Variants in SCGN observed in about 807,000 individuals in gnomAD.
SCGN encodes the protein secretagogin, EF-hand calcium binding protein, also known as secretagogin.
A neutral mutation model predicts 39.7 loss-of-function variants in SCGN; 30 were observed. That is an observed-to-expected ratio of 0.76 (90% CI 0.57 to 1.03). The LOEUF (loss-of-function observed/expected upper bound fraction) is 1.03. Among genes scored for constraint, SCGN ranks in the 50% least tolerant of loss-of-function variants. The pLI is 0.00. For synonymous variants in SCGN, 106 were observed against 114.1 expected, an observed-to-expected ratio of 0.93 and a Z score of 0.45; for missense variants, 353 against 349.4, an observed-to-expected ratio of 1.01 and a Z score of -0.08.
At position 25,661,625 on chromosome 6, in the gene SCGN, G is replaced by T. The variant is rs781506812; in HGVS notation, c.227G>T (p.Gly76Val). ...FMTTQDASKD[G>V]RIRMKELAGM... ...ACTACCCAAGATGCCTCTAAAGATGGTCGCATTCGGATGAAAGAGGTAACT... is the reference window on the plus strand; with the variant it reads ...ACTACCCAAGATGCCTCTAAAGATGTTCGCATTCGGATGAAAGAGGTAACT... Residue 76 changes from glycine to valine, a missense_variant, in exon 3 of 11, where the codon GGT (glycine) becomes GTT (valine). Gly to Val is a moderately radical substitution (Grantham distance 109). Transcript: ENST00000377961. 67 of 1,612,724 alleles carry T rather than the reference G, an allele frequency of 4.2e-5. No homozygotes were observed. Among genetic ancestry groups the T allele is most frequent in the Non-Finnish European group, 5.4e-5 (64 of 1,178,948 alleles).
At chr6:25,675,055 A>C (rs1026423093) in intron 6 of SCGN, among the ~76,000 whole-genome samples, 5 of 152,202 alleles carry the variant, frequency 3.3e-5, no homozygotes, top group African/African-American at 1.2e-4. Flanking sequence ...AAGAGAAATA[A>C]GTTTTCCTGT....
At chr6:25,663,730 T>C in intron 3 of SCGN, among the ~76,000 whole-genome samples, 1 of 152,202 alleles carries the variant, frequency 6.6e-6, no homozygotes, top group Non-Finnish European at 1.5e-5. Context: ...TTTATACTCA[T>C]CCTGAAAAAC....
In SCGN at chr6:25,681,816, T is replaced by G. The variant is rs138531232; in HGVS notation, c.472-135T>G. 468 of 687,566 alleles carry G rather than the reference T, an allele frequency of 6.8e-4. 4 individuals are homozygous for G. The East Asian group carries it at 0.013, about 18-fold the overall frequency. 42.6% of individuals were successfully genotyped at this position (687,566 alleles called of 1,614,324 possible). A position where few individuals can be genotyped will look rare whatever the true frequency, so the allele number is the denominator to read the frequency against. ...AATTCCTTCTGTGACAAATACTAAT[T>G]TTCCCCCAGGCAAGTGGGCTCCTCA... On this transcript the variant is annotated intron_variant, in intron 6 of 10. Coordinates refer to ENST00000377961, the MANE Select transcript of SCGN (RefSeq NM_006998.4).
chr6:25,680,785 T>A (rs1759628179), intron 6 of SCGN, among the ~76,000 whole-genome samples: 4 of 152,332 alleles, frequency 2.6e-5, no homozygotes, highest in Admixed American at 1.3e-4. Flanking sequence ...TGTATAAAAA[T>A]GTAACCTGTG....
intron 10 of SCGN, among the ~76,000 whole-genome samples, chr6:25,694,618 T>G (rs1326953438): frequency 6.6e-6 from 1 of 152,244 alleles, no homozygotes; most frequent in Non-Finnish European, 1.5e-5. Context: ...AGGAATTTAT[T>G]GGGATTCTCC....
intron 2 of SCGN, among the ~76,000 whole-genome samples, chr6:25,653,858 T>G (rs1007771127): frequency 6.6e-6 from 1 of 152,338 alleles, no homozygotes; most frequent in South Asian, 2.1e-4. Flanking sequence ...ACTCCTCTGA[T>G]AGCAAACCAC....
Position 25,701,315 on chromosome 6 carries a change from G to A in SCGN, c.811G>A (p.Gly271Arg). 1.2e-6 allele frequency: 2 copies of A among 1,612,420 alleles called. No homozygotes were observed. Among genetic ancestry groups the A allele is most frequent in the Non-Finnish European group, 1.7e-6 (2 of 1,179,350 alleles). Reference protein sequence around the residue: ...IQKSELALCLGLKINP With the variant: ...IQKSELALCLRLKINP ...GAAGTCTGAGCTGGCTTTGTGTCTT[G>A]GGCTGAAAATCAACCCATAATCCCA... Residue 271 changes from glycine (G) to arginine (R), a missense_variant, in exon 11 of 11, where the codon GGG (glycine) becomes AGG (arginine). Physicochemically the swap from Gly to Arg is moderately radical, Grantham distance 125. Coordinates refer to ENST00000377961, the MANE Select transcript of SCGN (RefSeq NM_006998.4).
At chr6:25,663,371 A>G (rs1415484728) in intron 3 of SCGN, among the ~76,000 whole-genome samples, 1 of 152,156 alleles carries the variant, frequency 6.6e-6, no homozygotes, top group African/African-American at 2.4e-5. Flanking sequence ...AAAAGCATGA[A>G]GTCAATATGG....
At chr6:25,676,984 C>A (rs1759571580) in intron 6 of SCGN, among the ~76,000 whole-genome samples, 1 of 152,090 alleles carries the variant, frequency 6.6e-6, no homozygotes, top group South Asian at 2.1e-4. Flanking sequence ...CAAACTCTTG[C>A]GTCATCTGGT....
chr6:25,669,530 C>G lies in SCGN; in HGVS notation c.356C>G (p.Ala119Gly). 6.2e-7 allele frequency: 1 copy of G among 1,613,638 alleles called. No homozygotes were observed. Among genetic ancestry groups the G allele is most frequent in the Non-Finnish European group, 8.5e-7 (1 of 1,179,632 alleles). ...EFMQIWRKYD[A>G]DSSGFISAAE... Reference sequence around the variant, plus strand: ...TTTCAGATTTGGCGCAAATATGACGCTGACAGCAGTGGCTTTATATCAGCT... The same window carrying G: ...TTTCAGATTTGGCGCAAATATGACGGTGACAGCAGTGGCTTTATATCAGCT... The change falls in exon 5 of 11, where the codon GCT (alanine) becomes GGT (glycine). Residue 119 changes from alanine (A) to glycine (G), a missense_variant. Transcript: ENST00000377961.
At chr6:25,664,804 A>T in intron 3 of SCGN, 139 bp from the exon 4 acceptor site, 1 of 594,112 alleles carries the variant, frequency 1.7e-6, no homozygotes, top group Non-Finnish European at 3.0e-6. Flanking sequence ...AGAGCACAGA[A>T]CTGCAAACCG....
intron 10 of SCGN, among the ~76,000 whole-genome samples, chr6:25,697,807 C>G (rs1759857350): frequency 6.6e-6 from 1 of 152,170 alleles, no homozygotes; most frequent in Non-Finnish European, 1.5e-5. Context: ...GAAAAAGTTA[C>G]ATTTTTACAT....
chr6:25,665,176 A>G (rs1760405292), intron 4 of SCGN, 144 bp downstream of exon 4: 1 of 610,462 alleles, frequency 1.6e-6, no homozygotes, highest in Non-Finnish European at 2.9e-6. Flanking sequence ...AAAATGCCTT[A>G]GTGATGAGGA....
At chr6:25,668,755 G>A (rs1759435214) in intron 4 of SCGN, among the ~76,000 whole-genome samples, 2 of 152,138 alleles carry the variant, frequency 1.3e-5, no homozygotes, top group African/African-American at 4.8e-5. Context: ...CTGAGTTTAT[G>A]CTTTCCCATC....
chr6:25,693,323 G>A (rs1345098911), intron 10 of SCGN, among the ~76,000 whole-genome samples: 1 of 151,540 alleles, frequency 6.6e-6, no homozygotes, highest in East Asian at 1.9e-4. Flanking sequence ...GTGGTGGTGG[G>A]CGCCTGTAGT....
intron 6 of SCGN, among the ~76,000 whole-genome samples, chr6:25,675,439 A>G (rs1426032571): frequency 6.6e-6 from 1 of 152,200 alleles, no homozygotes; most frequent in African/African-American, 2.4e-5. Context: ...CTGCCTCTGT[A>G]TCCCTGCTTT....
intron 10 of SCGN, among the ~76,000 whole-genome samples, chr6:25,695,138 C>T (rs146056993): frequency 3.9e-5 from 6 of 152,288 alleles, no homozygotes; most frequent in African/African-American, 9.6e-5. Context: ...CCCCATTCCC[C>T]AAGCTCTGAA....
chr6:25,663,189 T>C (rs1200497872), intron 3 of SCGN, among the ~76,000 whole-genome samples: 1 of 152,212 alleles, frequency 6.6e-6, no homozygotes, highest in Non-Finnish European at 1.5e-5. Context: ...CTACATTCCC[T>C]TGCTGTACCA....
At chr6:25,659,030 C>T (rs749889646) in intron 2 of SCGN, among the ~76,000 whole-genome samples, 1 of 152,124 alleles carries the variant, frequency 6.6e-6, no homozygotes, top group Non-Finnish European at 1.5e-5. Flanking sequence ...TATTATAACC[C>T]GACATCAAAC....
Sources: gnomAD v4.1 joint callset for allele counts (sites outside exome capture counted in the v4.1 genomes callset) on GRCh38, gnomAD v4.1.1 for gene constraint, MANE v1.5 for transcripts, NCBI Gene and HGNC (gene_info 2026-07-23, HGNC 2026-07-21) for gene names.